NUP98: variants seen among roughly 807,000 people sequenced by gnomAD.
NUP98 encodes the protein nuclear pore complex protein Nup98-Nup96.
In NUP98, 26 loss-of-function variants were observed where a neutral mutation model predicts 191.9. The observed-to-expected ratio is 0.14, with a 90% CI of 0.10 to 0.19. NUP98 has a LOEUF of 0.19. Among genes scored for constraint, NUP98 ranks in the 10% least tolerant of loss-of-function variants. The probability of loss-of-function intolerance (pLI) is 1.00; values close to 1 mark genes in which losing one functional copy is unlikely to be tolerated. For missense variants in NUP98, 1,941 were observed against 2,178.8 expected (o/e 0.89, Z 2.17); for synonymous variants, 808 against 778.4 (o/e 1.04, Z -0.63).
intron 29 of NUP98, among the ~76,000 whole-genome samples, chr11:3,685,708 T>C (rs1261820569): frequency 6.6e-6 from 1 of 152,226 alleles, no homozygotes; most frequent in Non-Finnish European, 1.5e-5. Context: ...TTCACAGAGA[T>C]CTTTTTTTCT....
chr11:3,712,319 G>T, intron 20 of NUP98: 1 of 1,303,030 alleles, frequency 7.7e-7, no homozygotes, highest in Non-Finnish European at 9.7e-7. Flanking sequence ...AGAACAAAGG[G>T]TTTAAAAATG....
intron 20 of NUP98, among the ~76,000 whole-genome samples, chr11:3,708,260 T>C (rs1590000127): frequency 6.6e-6 from 1 of 152,234 alleles, no homozygotes; most frequent in South Asian, 2.1e-4. Flanking sequence ...AGCAGTAAAC[T>C]ATAAAAAGAT....
intron 1 of NUP98, among the ~76,000 whole-genome samples, chr11:3,782,763 T>TA (rs2082015796): frequency 6.6e-6 from 1 of 151,746 alleles, no homozygotes; most frequent in African/African-American, 2.4e-5. Context: ...AGGCTGGTCT[T>TA]AAAAAAACTC....
At chr11:3,708,445 C>A (rs2078930197) in intron 20 of NUP98, among the ~76,000 whole-genome samples, 1 of 152,062 alleles carries the variant, frequency 6.6e-6, no homozygotes, top group Non-Finnish European at 1.5e-5. Context: ...AGGGACTCGT[C>A]GTATGTTTAC....
intron 10 of NUP98, chr11:3,760,119 A>AG (rs960230608): frequency 1.1e-5 from 2 of 175,790 alleles, no homozygotes; most frequent in African/African-American, 4.8e-5. Context: ...CACCAAAAAA[A>AG]AAAAAAAAAA....
chr11:3,691,425 C>A lies in NUP98; in HGVS notation c.4376G>T (p.Cys1459Phe). The change falls in exon 28 of 33, where the codon TGT becomes TTT. Residue 1459 changes from cysteine (C) to phenylalanine (F), a missense_variant. Physicochemically the swap from Cys to Phe is radical, Grantham distance 205 (BLOSUM62 -2). This residue lies in a region of NUP98 where 1,030 missense variants were observed against 1,115.8 expected (regional missense o/e 0.92). Coordinates refer to ENST00000324932, the MANE Select transcript of NUP98 (RefSeq NM_016320.5). The part of the protein sequence containing the change: ...PLPSYLEGSG[C>F]VIAEEQNSQT... ...TGAGTTTTGCTCCTCCGCTATCACA[C>A]AGCCAGAACCCTCCAGATACGAAGG... The A allele has an allele frequency of 1.2e-6, 2 of 1,614,190 alleles. No individual in the cohort carries two copies. Among genetic ancestry groups the A allele is most frequent in the Non-Finnish European group, 1.7e-6 (2 of 1,180,022 alleles).
Position 3,768,710 on chromosome 11 carries a change from G to A in NUP98, c.819C>T (p.Leu273=). ...TTGFGTNPGG[L]FGQQNQQTTS... is the part of the protein sequence containing the mutation. ...TAGTCTGCTGATTCTGTTGGCCAAA[G>A]AGACCACCTGGATTTGTTCCAAATC... Residue 273 remains leucine, a synonymous_variant, in exon 8 of 33, where the codon CTC becomes CTT. Transcript: ENST00000324932. 6.3e-7 allele frequency: 1 copy of A among 1,599,322 alleles called. No homozygotes were observed. Among genetic ancestry groups the A allele is most frequent in the Non-Finnish European group, 8.5e-7 (1 of 1,172,816 alleles).
intron 5 of NUP98, among the ~76,000 whole-genome samples, 189 bp downstream of exon 5, chr11:3,775,693 A>C (rs1044964368): frequency 6.6e-6 from 1 of 152,178 alleles, no homozygotes; most frequent in Non-Finnish European, 1.5e-5. Context: ...TCAAATATAC[A>C]TCGTAATCTA....
chr11:3,707,647 A>C (rs893492487), intron 20 of NUP98, among the ~76,000 whole-genome samples: 1 of 146,506 alleles, frequency 6.8e-6, no homozygotes, highest in Admixed American at 7.1e-5. Context: ...ACATGCCTAT[A>C]ATCCCAGCTA....
At chr11:3,735,110 A>G (rs2079996085) in intron 13 of NUP98, 81 bp downstream of exon 13, 2 of 1,335,668 alleles carry the variant, frequency 1.5e-6, no homozygotes, top group Non-Finnish European at 2.0e-6. Flanking sequence ...CCCTTAATAT[A>G]TACAGGCAAA....
At chr11:3,730,957 T>TA (rs2079823784) in intron 14 of NUP98, among the ~76,000 whole-genome samples, 1 of 152,230 alleles carries the variant, frequency 6.6e-6, no homozygotes, top group Admixed American at 6.5e-5. Context: ...TGATGTTCTG[T>TA]ATTTTTCAAA....
chr11:3,744,732 T>C lies in NUP98; in HGVS notation c.1268-83A>G, dbSNP rs569321323. ...AGAGGTCAGTTACTTAAAAATATAA[T>C]ACATTTGGAAACTTCATAGTGACCA... On this transcript the variant is annotated intron_variant, in intron 11 of 32. Coordinates refer to ENST00000324932, the MANE Select transcript of NUP98 (RefSeq NM_016320.5). The C allele has an allele frequency of 4.3e-5, 64 of 1,476,172 alleles. No homozygotes were observed. In the Admixed American group the frequency reaches 1.2e-3, roughly 29 times the overall value. 91.4% of individuals were successfully genotyped at this position (1,476,172 alleles called of 1,614,324 possible).
At chr11:3,777,300 T>C (rs2081766066) in intron 4 of NUP98, among the ~76,000 whole-genome samples, 1 of 152,146 alleles carries the variant, frequency 6.6e-6, no homozygotes, top group African/African-American at 2.4e-5. Flanking sequence ...CTAAGGAATA[T>C]ATTGCTGAAA....
chr11:3,676,810 G>C (rs548674368), intron 31 of NUP98, 190 bp from the exon 32 acceptor site: 1 of 711,854 alleles, frequency 1.4e-6, no homozygotes, highest in East Asian at 2.6e-5. Context: ...ATAGCCAAGA[G>C]GAAGGTAACA....
chr11:3,676,721 G>C, intron 31 of NUP98, 101 bp from the exon 32 acceptor site: 1 of 955,432 alleles, frequency 1.0e-6, no homozygotes, highest in South Asian at 1.3e-5. Context: ...AGTGAGGTGA[G>C]GGAGGGGAAA....
At position 3,773,837 on chromosome 11, in the gene NUP98, C is replaced by T. The variant is rs568458078; in HGVS notation, c.496-98G>A. 3.4e-4 allele frequency: 228 copies of T among 669,152 alleles called. 1 individual carries two copies. Among genetic ancestry groups the T allele is most frequent in the Admixed American group, 1.5e-3 (55 of 36,390 alleles). 41.5% of individuals were successfully genotyped at this position (669,152 alleles called of 1,614,324 possible). ...ACCACTGAACTCTAAAACTAGTCCC[C>T]CCAGGTCTTTTATACTGAGATGGTT... is the stretch of plus-strand genomic sequence containing the variant. On this transcript the variant is annotated intron_variant, in intron 5 of 32. Transcript: ENST00000324932.
chr11:3,742,250 C>T (rs2080310175), intron 12 of NUP98, among the ~76,000 whole-genome samples: 2 of 152,030 alleles, frequency 1.3e-5, no homozygotes, highest in Non-Finnish European at 2.9e-5. Flanking sequence ...ATCAGAAACT[C>T]CAAGGGGAAA....
chr11:3,758,460 T>A (rs2081054584), intron 10 of NUP98, among the ~76,000 whole-genome samples: 1 of 152,002 alleles, frequency 6.6e-6, no homozygotes, highest in African/African-American at 2.4e-5. Flanking sequence ...AACTGACCCT[T>A]AACTATCTTT....
At chr11:3,702,987 T>C in intron 22 of NUP98, 95 bp from the exon 23 acceptor site, 2 of 1,052,992 alleles carry the variant, frequency 1.9e-6, no homozygotes, top group Non-Finnish European at 2.8e-6. Context: ...GCTGAAATCA[T>C]TCAATGTTTA....
Sources: allele counts gnomAD v4.1 joint callset (sites outside exome capture counted in the v4.1 genomes callset), GRCh38; gene constraint gnomAD v4.1.1; regional missense constraint gnomAD v4.1.1; transcripts MANE v1.5; gene names NCBI Gene and HGNC (gene_info 2026-07-23, HGNC 2026-07-21).